Variants in PLXNA2 observed in about 807,000 individuals in gnomAD.
The protein encoded by PLXNA2 is plexin A2.
Under a neutral mutation model 193.5 loss-of-function variants are expected in PLXNA2, and 91 were observed. That is an observed-to-expected ratio of 0.47 (90% CI 0.40 to 0.56). PLXNA2 has a LOEUF of 0.56. Ranked by LOEUF, PLXNA2 falls within the 20% of genes least tolerant of loss-of-function variation. The probability of loss-of-function intolerance (pLI) is 0.00; values close to 1 mark genes in which losing one functional copy is unlikely to be tolerated. For missense variants in PLXNA2, 1,995 were observed against 2,503.2 expected (o/e 0.80, Z 4.33); for synonymous variants, 997 against 1,027.3 (o/e 0.97, Z 0.56).
At chr1:208,070,645 T>C (rs1222494302) in intron 12 of PLXNA2, among the ~76,000 whole-genome samples, 2 of 152,242 alleles carry the variant, frequency 1.3e-5, no homozygotes, top group Admixed American at 1.3e-4. Context: ...AGTAGCTAGC[T>C]GCAGGTCAAA....
intron 2 of PLXNA2, 152 bp downstream of exon 2, chr1:208,216,583 C>T (rs778220633): frequency 5.3e-5 from 42 of 796,570 alleles, no homozygotes; most frequent in East Asian, 4.3e-4. Context: ...TAAGACCCTG[C>T]GTTATTGGTT....
At position 208,131,958 on chromosome 1, in the gene PLXNA2, T is replaced by G. The variant is rs999298165; in HGVS notation, c.1506+10371A>C. On this transcript the variant is annotated intron_variant, in intron 4 of 31. Transcript: ENST00000367033. ...CCTAGCTCAGATCCCTCAACATTGC[T>G]GCACCTGGCCTTCCTCATTTGTCAA... Among the ~76,000 whole-genome samples, 20 of 152,118 alleles carry G rather than the reference T, an allele frequency of 1.3e-4. 1 individual carries two copies. Among genetic ancestry groups the G allele is most frequent in the Non-Finnish European group, 1.9e-4 (13 of 68,024 alleles).
chr1:208,035,899 C>A (rs1664656550), intron 26 of PLXNA2, among the ~76,000 whole-genome samples: 1 of 152,066 alleles, frequency 6.6e-6, no homozygotes, highest in African/African-American at 2.4e-5. Context: ...TTAATTTTAC[C>A]CTCCCTATAA....
chr1:208,188,709 CAAAA>C (rs1213724508), intron 3 of PLXNA2, among the ~76,000 whole-genome samples: 4 of 71,444 alleles, frequency 5.6e-5, no homozygotes, highest in Admixed American at 1.4e-4. Context: ...AACTCTGTCT[CAAAA>C]AAAAAAAAAA....
chr1:208,074,016 G>T (rs1467610076), intron 12 of PLXNA2, among the ~76,000 whole-genome samples: 2 of 152,168 alleles, frequency 1.3e-5, no homozygotes, highest in Non-Finnish European at 2.9e-5. Flanking sequence ...ACCTGTTTGT[G>T]GTTCTTTGCT....
intron 6 of PLXNA2, among the ~76,000 whole-genome samples, chr1:208,098,454 TCTCTCACACA>T (rs1162834288): frequency 2.8e-5 from 3 of 105,976 alleles, no homozygotes; most frequent in African/African-American, 9.9e-5. Flanking sequence ...TCTCTCTCTC[TCTCTCACACA>T]CACACACACA....
chr1:208,240,396 A>G (rs1313609688), intron 1 of PLXNA2, among the ~76,000 whole-genome samples: 1 of 152,176 alleles, frequency 6.6e-6, no homozygotes, highest in African/African-American at 2.4e-5. Context: ...CTGTCTCCAT[A>G]GGGCTCACCT....
At chr1:208,206,766 G>GTTTTTTT (rs896776741) in intron 3 of PLXNA2, among the ~76,000 whole-genome samples, 2 of 116,762 alleles carry the variant, frequency 1.7e-5, no homozygotes, top group Non-Finnish European at 1.7e-5. Flanking sequence ...GCACATATAG[G>GTTTTTTT]TTTTTTTTTT....
intron 5 of PLXNA2, among the ~76,000 whole-genome samples, chr1:208,099,268 G>A (rs867954435): frequency 3.3e-5 from 5 of 152,142 alleles, no homozygotes; most frequent in Admixed American, 6.6e-5. Context: ...TGGACAAAAC[G>A]CACAAACAAA....
chr1:208,183,017 C>A (rs1669892902), intron 3 of PLXNA2, among the ~76,000 whole-genome samples: 4 of 152,202 alleles, frequency 2.6e-5, no homozygotes, highest in Non-Finnish European at 5.9e-5. Context: ...CCCACAGCGA[C>A]TGGGGGAGGC....
intron 4 of PLXNA2, among the ~76,000 whole-genome samples, chr1:208,121,241 G>A (rs565970405): frequency 1.8e-4 from 28 of 152,170 alleles, no homozygotes; most frequent in African/African-American, 6.3e-4. Flanking sequence ...CTGGTCAATC[G>A]CTATCCCTTT....
chr1:208,185,774 C>T (rs186434507), intron 3 of PLXNA2, among the ~76,000 whole-genome samples: 1 of 143,492 alleles, frequency 7.0e-6, no homozygotes, highest in African/African-American at 2.6e-5. Flanking sequence ...GAGTAATAAG[C>T]TTTGTGTTCC....
chr1:208,138,020 A>C (rs1037283745), intron 4 of PLXNA2, among the ~76,000 whole-genome samples: 1 of 152,162 alleles, frequency 6.6e-6, no homozygotes, highest in African/African-American at 2.4e-5. Flanking sequence ...GGTTGCCCAG[A>C]GATTTGTTTT....
At position 208,224,195 on chromosome 1, in the gene PLXNA2, G is replaced by C. The variant is rs140962052; in HGVS notation, c.-80-6193C>G. ...GCCGACGGCTGAAAGTCCTCAATTAGAGTGAAAGGAGTTATCTGGTATTTA... is the reference window on the plus strand; with the variant it reads ...GCCGACGGCTGAAAGTCCTCAATTACAGTGAAAGGAGTTATCTGGTATTTA... On this transcript the variant is annotated intron_variant, in intron 1 of 31. Transcript: ENST00000367033. Among the ~76,000 whole-genome samples the C allele has an allele frequency of 1.0e-3, 156 of 152,288 alleles. 2 individuals carry two copies. Among genetic ancestry groups the C allele is most frequent in the African/African-American group, 3.6e-3 (149 of 41,554 alleles).
At chr1:208,135,676 A>G (rs565447338) in intron 4 of PLXNA2, among the ~76,000 whole-genome samples, 2 of 152,286 alleles carry the variant, frequency 1.3e-5, no homozygotes, top group South Asian at 4.1e-4. Flanking sequence ...GTGTTGCACA[A>G]TGCTGATGGG....
intron 9 of PLXNA2, among the ~76,000 whole-genome samples, chr1:208,092,529 C>T (rs910560178): frequency 1.1e-4 from 17 of 152,234 alleles, no homozygotes; most frequent in African/African-American, 3.6e-4. Flanking sequence ...TCAGTCTCAA[C>T]CCCCAGTTAC....
Position 208,084,488 on chromosome 1 carries a change from C to A in PLXNA2, c.2190G>T (p.Pro730=). 1.2e-6 allele frequency: 2 copies of A among 1,614,260 alleles called. No individual in the cohort carries two copies. Among genetic ancestry groups the A allele is most frequent in the South Asian group, 1.1e-5 (1 of 91,090 alleles). The part of the protein sequence containing the change: ...ITLKARNLPQ[P]QSGQRGYECV... ...ACTCATAGCCTCGCTGGCCGGACTG[C>A]GGCTGGGGCAGATTTCGCGCCTTAA... Residue 730 remains proline, a synonymous_variant, in exon 10 of 32, where the codon CCG becomes CCT. Coordinates refer to ENST00000367033, the MANE Select transcript of PLXNA2 (RefSeq NM_025179.4).
chr1:208,156,567 C>T (rs1372991421), intron 3 of PLXNA2, among the ~76,000 whole-genome samples: 2 of 152,166 alleles, frequency 1.3e-5, no homozygotes, highest in Admixed American at 1.3e-4. Context: ...GAAAGGCATG[C>T]AAACGAGTCA....
At position 208,045,976 on chromosome 1, in the gene PLXNA2, T is replaced by C. The variant is rs762222945; in HGVS notation, c.3397A>G (p.Asn1133Asp). The C allele has an allele frequency of 1.9e-6, 3 of 1,614,222 alleles. No homozygotes were observed. The highest frequency in any genetic ancestry group is 2.5e-6 in the Non-Finnish European group (3 of 1,180,034). Reference protein sequence around the residue: ...FNNVQSLLIYNDTKFIYYPNP... With the variant: ...FNNVQSLLIYDDTKFIYYPNP... Reference sequence around the variant, plus strand: ...GGGTAGTAGATAAACTTGGTGTCGTTGTAAATTAGCAAGGATTGGACATTG... The same window carrying C: ...GGGTAGTAGATAAACTTGGTGTCGTCGTAAATTAGCAAGGATTGGACATTG... Residue 1133 changes from asparagine to aspartate, a missense_variant, in exon 18 of 32, where the codon AAC becomes GAC. Physicochemically the swap from Asn to Asp is conservative, Grantham distance 23. Around this residue, in one of 3 missense-constraint regions of PLXNA2, gnomAD observed 1,291 missense variants for 1,673.6 expected, o/e 0.77. Coordinates refer to ENST00000367033, the MANE Select transcript of PLXNA2 (RefSeq NM_025179.4).
Sources: gnomAD v4.1 joint callset for allele counts (sites outside exome capture counted in the v4.1 genomes callset) on GRCh38, gnomAD v4.1.1 for gene constraint, gnomAD v4.1.1 regional missense constraint, MANE v1.5 for transcripts, NCBI Gene and HGNC (gene_info 2026-07-23, HGNC 2026-07-21) for gene names.